Variants in FARSA observed in about 807,000 individuals in gnomAD.
FARSA encodes the protein phenylalanyl-tRNA synthetase subunit alpha, also known as phenylalanine--tRNA ligase alpha subunit.
A neutral mutation model predicts 63.2 loss-of-function variants in FARSA; 37 were observed. The observed-to-expected ratio is 0.59, with a 90% CI of 0.45 to 0.77. The LOEUF (loss-of-function observed/expected upper bound fraction) is 0.77, where lower values mean the gene tolerates loss of function less well. FARSA is among the 30% of genes least tolerant of loss of function. The pLI, the probability that FARSA is intolerant of heterozygous loss-of-function variation, is 0.00. For synonymous variants in FARSA, 312 were observed against 285.1 expected (o/e 1.09, Z -0.95); for missense variants, 618 against 696.6 (o/e 0.89, Z 1.27).
rs200932264 is a variant in FARSA, at chr19:12,922,880, C to T, written c.1395G>A (p.Thr465=). 7 of 1,614,092 alleles carry T rather than the reference C, an allele frequency of 4.3e-6. No homozygotes were observed. The Admixed American group carries it at 5.0e-5, about 12-fold the overall frequency. The change falls in exon 13 of 13, where the codon ACG becomes ACA. Residue 465 remains threonine (T), a synonymous_variant. Transcript: ENST00000314606. ...IAWGLSLERP[T]MIKYGINNIR... is the part of the protein sequence containing the mutation. ...TATTGTTGATGCCATATTTGATCAT[C>T]GTTGGGCTTGTGGGGGAGGGAACAG...
At position 12,928,567 on chromosome 19, in the gene FARSA, G is replaced by A. The variant is rs745693248; in HGVS notation, c.693C>T (p.Arg231=). Residue 231 remains arginine, a synonymous_variant, in exon 6 of 13, where the codon CGC becomes CGT. Coordinates refer to ENST00000314606, the MANE Select transcript of FARSA (RefSeq NM_004461.3). ...CCAGGAAGATCTGTCGGAACTGGGA[G>A]CGGACCTTGAGCAGCGGGTGAAGGT... is the stretch of plus-strand genomic sequence containing the variant. ...SGHLHPLLKV[R]SQFRQIFLEM... 5.6e-6 allele frequency: 9 copies of A among 1,614,018 alleles called. No homozygotes were observed. Among genetic ancestry groups the A allele is most frequent in the Non-Finnish European group, 8.5e-7 (1 of 1,179,950 alleles).
chr19:12,923,357 G>A (rs894530499), intron 12 of FARSA, among the ~76,000 whole-genome samples: 28 of 152,086 alleles, frequency 1.8e-4, no homozygotes, highest in South Asian at 4.1e-4. Flanking sequence ...GTGCAGTGGC[G>A]TAATCTCAGC....
At position 12,926,973 on chromosome 19, in the gene FARSA, G is replaced by A. The variant is rs139753600; in HGVS notation, c.841+1369C>T. On this transcript the variant is annotated intron_variant, in intron 7 of 12. Coordinates refer to ENST00000314606, the MANE Select transcript of FARSA (RefSeq NM_004461.3). ...CTATGACAATAATGACAAGAATGAT[G>A]TTGCTCCTCTGGCCAGGTAAGCCGG... Among the ~76,000 whole-genome samples, 7 of 152,328 alleles carry A rather than the reference G, an allele frequency of 4.6e-5. No homozygotes were observed. In the East Asian group the frequency reaches 5.8e-4, roughly 13 times the overall value.
At chr19:12,930,364 G>C in intron 3 of FARSA, 23 bp from the exon 4 acceptor site, 1 of 1,613,634 alleles carries the variant, frequency 6.2e-7, no homozygotes, top group South Asian at 1.1e-5. Context: ...GGAGTGTGAG[G>C]GGTATGAGGG....
rs981446666 is a variant in FARSA at position 12,922,806 on chromosome 19, C to T, written c.1469G>A (p.Ser490Asn). Residue 490 changes from serine to asparagine, a missense_variant, in exon 13 of 13, where the codon AGT (serine) becomes AAT (asparagine). Coordinates refer to ENST00000314606, the MANE Select transcript of FARSA (RefSeq NM_004461.3). Reference protein sequence around the residue: ...HKVNLQMVYDSPLCRLDAEPR... With the variant: ...HKVNLQMVYDNPLCRLDAEPR... Reference sequence around the variant, plus strand: ...CTCGGCATCCAGGCGGCACAGGGGACTGTCATACACCATCTGCAGGTTCAC... The same window carrying T: ...CTCGGCATCCAGGCGGCACAGGGGATTGTCATACACCATCTGCAGGTTCAC... The T allele has an allele frequency of 6.2e-7, 1 of 1,614,138 alleles. No individual in the cohort carries two copies.
intron 12 of FARSA, among the ~76,000 whole-genome samples, chr19:12,923,369 C>T (rs1325362582): frequency 6.6e-6 from 1 of 152,184 alleles, no homozygotes; most frequent in East Asian, 1.9e-4. Context: ...AATCTCAGCT[C>T]ACTGCAACCT....
Position 12,922,819 on chromosome 19 carries a change from T to G in FARSA, c.1456A>C (p.Met486Leu), listed in dbSNP as rs1450265072. The change falls in exon 13 of 13, where the codon ATG (methionine) becomes CTG (leucine). Residue 486 changes from methionine to leucine, a missense_variant. Physicochemically the swap from Met to Leu is conservative, Grantham distance 15. Coordinates refer to ENST00000314606, the MANE Select transcript of FARSA (RefSeq NM_004461.3). ...ELVGHKVNLQ[M>L]VYDSPLCRLD... is the part of the protein sequence containing the mutation. ...CGGCACAGGGGACTGTCATACACCA[T>G]CTGCAGGTTCACCTTGTGGCCCACC... 1.2e-6 allele frequency: 2 copies of G among 1,614,062 alleles called. No individual in the cohort carries two copies. The highest frequency in any genetic ancestry group is 8.5e-7 in the Non-Finnish European group (1 of 1,180,006).
chr19:12,925,002 AC>A lies in FARSA; in HGVS notation c.927del (p.Tyr310ThrfsTer117). 6.2e-7 allele frequency: 1 copy of A among 1,613,964 alleles called. No individual in the cohort carries two copies. The highest frequency in any genetic ancestry group is 1.1e-5 in the South Asian group (1 of 91,074). ...THSQGGYGSQ[G>X]YKYNWKLDEA... ...TCGTCCAGCTTCCAGTTATACTTGT[AC>A]CTTCAGGAGGGAAGGTGGGAAGTCC... On this transcript the variant is annotated frameshift_variant and splice_region_variant, in exon 9 of 13. Transcript: ENST00000314606. LOFTEE classifies it high-confidence loss of function.
intron 12 of FARSA, 143 bp from the exon 13 acceptor site, chr19:12,923,029 C>T: frequency 9.7e-7 from 1 of 1,030,784 alleles, no homozygotes; most frequent in Non-Finnish European, 1.4e-6. Context: ...GCTCTATCAC[C>T]TCTCACCCTC....
Position 12,928,322 on chromosome 19 carries a change from G to A in FARSA, c.841+20C>T. The A allele has an allele frequency of 1.9e-6, 3 of 1,599,284 alleles. No individual in the cohort carries two copies. Among genetic ancestry groups the A allele is most frequent in the Non-Finnish European group, 2.6e-6 (3 of 1,168,002 alleles). On this transcript the variant is annotated intron_variant, in intron 7 of 12. Transcript: ENST00000314606. The stretch of plus-strand genomic sequence containing the variant: ...CCTGGTGTCTCTCATGTCTCAGGGA[G>A]GCCCTAGGGGCTGACCCACCTCGAA...
chr19:12,924,498 G>A lies in FARSA; in HGVS notation c.1224C>T (p.Ala408=). 1 of 1,613,582 alleles carries A rather than the reference G, an allele frequency of 6.2e-7. No homozygotes were observed. Among genetic ancestry groups the A allele is most frequent in the South Asian group, 1.1e-5 (1 of 91,080 alleles). ...LGITQLRFKP[A]YNPYTEPSME... is the part of the protein sequence containing the mutation. ...TGCTGGGCTCTGTGTATGGGTTGTA[G>A]GCTGGCTTGAAGCGGAGTTGCGTGA... The change falls in exon 11 of 13, where the codon GCC becomes GCT. Residue 408 remains alanine (A), a synonymous_variant. Coordinates refer to ENST00000314606, the MANE Select transcript of FARSA (RefSeq NM_004461.3). The surrounding 1 kb of genome is among the most constrained non-coding windows in gnomAD (Gnocchi z 6.4).
chr19:12,933,672 G>A lies in FARSA; in HGVS notation c.25C>T (p.Leu9=). Residue 9 remains leucine (L), a synonymous_variant, in exon 1 of 13, where the codon CTG becomes TTG. Coordinates refer to ENST00000314606, the MANE Select transcript of FARSA (RefSeq NM_004461.3). The stretch of plus-strand genomic sequence containing the variant: ...GACGCCTCCAGCCGCCGGAGCAGCA[G>A]TTCCGCCACCTGACCATCCGCCATG... MADGQVAE[L]LLRRLEASDG... 2 of 1,571,350 alleles carry A rather than the reference G, an allele frequency of 1.3e-6. No individual in the cohort carries two copies. The highest frequency in any genetic ancestry group is 2.3e-5 in the East Asian group (1 of 42,768).
chr19:12,933,515 G>A (rs1971417880), intron 1 of FARSA, 35 bp downstream of exon 1: 3 of 1,535,380 alleles, frequency 2.0e-6, no homozygotes, highest in Non-Finnish European at 2.6e-6. Flanking sequence ...GTAGGTGCAA[G>A]GGCAAGGCGG....
rs1355762089 is a variant in FARSA at position 12,933,675 on chromosome 19, C to G, written c.22G>C (p.Glu8Gln). 12 of 1,571,156 alleles carry G rather than the reference C, an allele frequency of 7.6e-6. No homozygotes were observed. Among genetic ancestry groups the G allele is most frequent in the Non-Finnish European group, 1.0e-5 (12 of 1,162,464 alleles). The stretch of plus-strand genomic sequence containing the variant: ...GCCTCCAGCCGCCGGAGCAGCAGTT[C>G]CGCCACCTGACCATCCGCCATGACT... Reference protein sequence around the residue: MADGQVAELLLRRLEASD... With the variant: MADGQVAQLLLRRLEASD... The change falls in exon 1 of 13, where the codon GAA (glutamate) becomes CAA (glutamine). Residue 8 changes from glutamate (E) to glutamine (Q), a missense_variant. Glu to Gln is a conservative substitution (Grantham distance 29, BLOSUM62 2). Transcript: ENST00000314606.
chr19:12,924,065 G>C lies in FARSA; in HGVS notation c.1388+86C>G. ...AGTTTTGTCCATTGGATGAATGAAT[G>C]GGTGGTGCTGAAACCACGCAGGCCC... On this transcript the variant is annotated intron_variant, in intron 12 of 12. Coordinates refer to ENST00000314606, the MANE Select transcript of FARSA (RefSeq NM_004461.3). The surrounding 1 kb of genome is among the most constrained non-coding windows in gnomAD (Gnocchi z 6.4). 1 of 964,942 alleles carries C rather than the reference G, an allele frequency of 1.0e-6. No homozygotes were observed. Among genetic ancestry groups the C allele is most frequent in the Non-Finnish European group, 1.7e-6 (1 of 594,656 alleles). The allele number at this position is 964,942 out of a possible 1,614,324, so 59.8% of individuals were successfully genotyped here.
intron 12 of FARSA, among the ~76,000 whole-genome samples, chr19:12,923,928 C>T (rs1211657173): frequency 6.6e-6 from 1 of 152,354 alleles, no homozygotes; most frequent in Non-Finnish European, 1.5e-5. Flanking sequence ...ACTTGTTGGT[C>T]TTGCTAGTTA....
chr19:12,930,199 A>G, intron 4 of FARSA, 24 bp downstream of exon 4: 1 of 1,576,732 alleles, frequency 6.3e-7, no homozygotes, highest in Non-Finnish European at 8.7e-7. Context: ...TGGGGGCCTG[A>G]GCCTGCAGGG....
intron 1 of FARSA, among the ~76,000 whole-genome samples, chr19:12,932,453 T>G (rs1971408052): frequency 6.6e-6 from 1 of 152,164 alleles, no homozygotes; most frequent in Admixed American, 6.6e-5. Context: ...CAAGGCACTG[T>G]CACCCCACAC....
At chr19:12,923,781 G>GT (rs1311689944) in intron 12 of FARSA, among the ~76,000 whole-genome samples, 6 of 152,202 alleles carry the variant, frequency 3.9e-5, no homozygotes, top group Non-Finnish European at 8.8e-5. Context: ...CGCCTGGCCT[G>GT]TTTTTATTCT....
Sources: allele counts gnomAD v4.1 joint callset (sites outside exome capture counted in the v4.1 genomes callset), GRCh38; gene constraint gnomAD v4.1.1; non-coding constraint Gnocchi (gnomAD v3.1); transcripts MANE v1.5; gene names NCBI Gene and HGNC (gene_info 2026-07-23, HGNC 2026-07-21).